The following BNIP2 variants were observed in gnomAD, a reference collection of about 807,000 sequenced individuals.
BNIP2 encodes the protein BCL2 interacting protein 2.
BNIP2 carries 36 observed loss-of-function variants against 43.4 expected under a neutral mutation model. The ratio of observed to expected loss-of-function variants is 0.83; its 90% confidence interval spans 0.64 to 1.10. BNIP2 has a LOEUF of 1.10. Among genes scored for constraint, BNIP2 ranks in the 50% least tolerant of loss-of-function variants. BNIP2 has a pLI of 0.00. For synonymous variants in BNIP2, 146 were observed against 121.0 expected (o/e 1.21, Z -1.35); for missense variants, 417 against 374.1 (o/e 1.11, Z -0.95).
In BNIP2 at chr15:59,661,476, A is replaced by G. The variant is rs773972766; in HGVS notation, c.*2593T>C. The G allele has an allele frequency of 5.9e-5, 9 of 152,102 alleles. No homozygotes were observed. Among genetic ancestry groups the G allele is most frequent in the Admixed American group, 3.9e-4 (6 of 15,272 alleles). 9.4% of individuals were successfully genotyped at this position (152,102 alleles called of 1,614,324 possible). A position where few individuals can be genotyped will look rare whatever the true frequency, so the allele number is the denominator to read the frequency against. ...CCTCTGCTAGACCCTACTTAGAATC[A>G]TATTTCTTCATATCTCCCTCTGAGT... On this transcript the variant is annotated 3_prime_UTR_variant, in exon 10 of 10. Coordinates refer to ENST00000607373, the MANE Select transcript of BNIP2 (RefSeq NM_004330.4).
At chr15:59,672,791 T>C in intron 5 of BNIP2, 52 bp from the exon 6 acceptor site, 1 of 1,302,200 alleles carries the variant, frequency 7.7e-7, no homozygotes, top group Non-Finnish European at 1.1e-6. Flanking sequence ...CTCTTAGGCA[T>C]TTTTAGAAGA....
chr15:59,668,815 G>A (rs558459526), intron 9 of BNIP2, 77 bp downstream of exon 9: 27 of 1,196,708 alleles, frequency 2.3e-5, no homozygotes, highest in Non-Finnish European at 2.9e-5. Context: ...CATAAAGAAT[G>A]AGTATTGAAA....
At chr15:59,669,024 T>TTTCTGACAAATACAATGGATACAATG in intron 8 of BNIP2, 34 bp from the exon 9 acceptor site, 1 of 1,534,812 alleles carries the variant, frequency 6.5e-7, no homozygotes, top group Non-Finnish European at 9.0e-7. Context: ...TACTTCCATA[T>TTTCTGACAAATACAATGGATACAATG]TTCTGACAAA....
chr15:59,689,236 C>G lies in BNIP2; in HGVS notation c.-159G>C, dbSNP rs537518664. The G allele has an allele frequency of 5.8e-6, 9 of 1,542,360 alleles. No homozygotes were observed. The African/African-American group carries it at 1.2e-4, about 21-fold the overall frequency. On this transcript the variant is annotated 5_prime_UTR_variant, in exon 1 of 10. Coordinates refer to ENST00000607373, the MANE Select transcript of BNIP2 (RefSeq NM_004330.4). ...AAAGCAGGGCCGAGCGGAGCCCGCT[C>G]CCCTCGGTCGGCGGTGGAGACCCCG...
At chr15:59,673,163 G>C (rs1566964134) in intron 5 of BNIP2, among the ~76,000 whole-genome samples, 2 of 150,710 alleles carry the variant, frequency 1.3e-5, no homozygotes, top group African/African-American at 4.9e-5. Context: ...CTGTCGTCCA[G>C]GCTGGAGGGC....
At chr15:59,689,111 C>A in intron 1 of BNIP2, 24 bp downstream of exon 1, 1 of 1,529,946 alleles carries the variant, frequency 6.5e-7, no homozygotes, top group Non-Finnish European at 8.7e-7. Flanking sequence ...GCCACCGTGC[C>A]GAGTTCTCCC....
intron 2 of BNIP2, 120 bp downstream of exon 2, chr15:59,682,288 C>A: frequency 2.5e-6 from 2 of 788,196 alleles, no homozygotes; most frequent in Admixed American, 2.8e-5. Context: ...GATCGCGCCA[C>A]TGCACTCCAG....
chr15:59,669,350 A>AT lies in BNIP2; in HGVS notation c.719dup (p.Asn240LysfsTer26). ...GATGTACAATGATTAGGGATTTTAG[A>AT]TTTTTCCGTAACCTGGAGTTTAAAA... On this transcript the variant is annotated frameshift_variant, in exon 8 of 10. Transcript: ENST00000607373. LOFTEE classifies it high-confidence loss of function. 1 of 1,525,878 alleles carries AT rather than the reference A, an allele frequency of 6.6e-7. No homozygotes were observed. The highest frequency in any genetic ancestry group is 1.4e-5 in the South Asian group (1 of 72,998). 94.5% of individuals were successfully genotyped at this position (1,525,878 alleles called of 1,614,324 possible).
chr15:59,684,786 G>C (rs1394314889), intron 1 of BNIP2, among the ~76,000 whole-genome samples: 1 of 152,106 alleles, frequency 6.6e-6, no homozygotes, highest in Non-Finnish European at 1.5e-5. Flanking sequence ...TGTTGTCTGG[G>C]TGTCTTTTTC....
Position 59,664,063 on chromosome 15 carries a change from C to T in BNIP2, c.*6G>A. ...TCTTCAGTCTTGTTTGGACTAGATG[C>T]CAAACTTACTGTTCATTTTTCGGTT... On this transcript the variant is annotated 3_prime_UTR_variant, in exon 10 of 10. Coordinates refer to ENST00000607373, the MANE Select transcript of BNIP2 (RefSeq NM_004330.4). The T allele has an allele frequency of 2.6e-6, 4 of 1,545,600 alleles. No homozygotes were observed. Among genetic ancestry groups the T allele is most frequent in the Non-Finnish European group, 3.5e-6 (4 of 1,142,830 alleles).
chr15:59,664,325 T>A (rs1262930755), intron 9 of BNIP2, among the ~76,000 whole-genome samples: 1 of 152,214 alleles, frequency 6.6e-6, no homozygotes, highest in Non-Finnish European at 1.5e-5. Flanking sequence ...GCAAGAAATG[T>A]GACCGTTGTT....
In BNIP2 at chr15:59,680,138, T is replaced by A. The variant is rs1053611979; in HGVS notation, c.118+103A>T. 26 of 938,982 alleles carry A rather than the reference T, an allele frequency of 2.8e-5. No homozygotes were observed. The South Asian group carries it at 4.9e-4, about 18-fold the overall frequency. 58.2% of individuals were successfully genotyped at this position (938,982 alleles called of 1,614,324 possible). On this transcript the variant is annotated intron_variant, in intron 3 of 9. Transcript: ENST00000607373. ...TCAACTTATACTTTGACTTCTATGATGGAATAAAAACTCAAGTTTTTTTTT... is the reference window on the plus strand; with the variant it reads ...TCAACTTATACTTTGACTTCTATGAAGGAATAAAAACTCAAGTTTTTTTTT...
At chr15:59,671,658 A>T (rs1892935664) in intron 6 of BNIP2, among the ~76,000 whole-genome samples, 1 of 152,202 alleles carries the variant, frequency 6.6e-6, no homozygotes, top group South Asian at 2.1e-4. Context: ...TTTCCACAAT[A>T]CGGTTTTTAA....
intron 2 of BNIP2, among the ~76,000 whole-genome samples, chr15:59,681,611 A>C (rs1238134256): frequency 6.6e-6 from 1 of 151,954 alleles, no homozygotes; most frequent in Non-Finnish European, 1.5e-5. Context: ...AAGCCTGGCT[A>C]ATTTTTTGTA....
intron 1 of BNIP2, among the ~76,000 whole-genome samples, chr15:59,686,164 T>TAG (rs1894001341): frequency 1.3e-5 from 2 of 152,308 alleles, no homozygotes. Context: ...CCTTCTGACA[T>TAG]AGCTTCAAGG....
intron 1 of BNIP2, among the ~76,000 whole-genome samples, chr15:59,684,117 G>C (rs1893868146): frequency 6.6e-6 from 1 of 152,148 alleles, no homozygotes; most frequent in South Asian, 2.1e-4. Flanking sequence ...ATTTCACAAG[G>C]TAAACTAAAT....
At chr15:59,676,028 T>C (rs1220007652) in intron 5 of BNIP2, among the ~76,000 whole-genome samples, 1 of 152,196 alleles carries the variant, frequency 6.6e-6, no homozygotes, top group Admixed American at 6.5e-5. Flanking sequence ...GGTATGGGTT[T>C]TATATATATG....
intron 2 of BNIP2, among the ~76,000 whole-genome samples, chr15:59,682,021 G>A (rs570906272): frequency 2.0e-5 from 3 of 152,192 alleles, no homozygotes; most frequent in Admixed American, 1.3e-4. Flanking sequence ...TGATCGCCTT[G>A]TATTACTGAG....
At chr15:59,682,052 T>C (rs1893712759) in intron 2 of BNIP2, among the ~76,000 whole-genome samples, 1 of 152,144 alleles carries the variant, frequency 6.6e-6, no homozygotes, top group African/African-American at 2.4e-5. Flanking sequence ...ACATCTCAGC[T>C]GTGCAGTGGC....
Sources: allele counts gnomAD v4.1 joint callset (sites outside exome capture counted in the v4.1 genomes callset), GRCh38; gene constraint gnomAD v4.1.1; transcripts MANE v1.5; gene names NCBI Gene and HGNC (gene_info 2026-07-23, HGNC 2026-07-21).